The following TTC39B variants were observed in gnomAD, a reference collection of about 807,000 sequenced individuals.
The protein encoded by TTC39B is tetratricopeptide repeat protein 39B.
In TTC39B, 92 loss-of-function variants were observed where a neutral mutation model predicts 96.6. The observed-to-expected ratio is 0.95, with a 90% confidence interval of 0.80 to 1.13. TTC39B has a LOEUF of 1.13. Among genes scored for constraint, TTC39B ranks in the 50% most tolerant of loss-of-function variants. The pLI, the probability that TTC39B is intolerant of heterozygous loss-of-function variation, is 0.00. For synonymous variants in TTC39B, 367 were observed against 299.4 expected, an observed-to-expected ratio of 1.23 and a Z score of -2.33; for missense variants, 955 against 809.3, an observed-to-expected ratio of 1.18 and a Z score of -2.18.
intron 9 of TTC39B, among the ~76,000 whole-genome samples, chr9:15,192,277 G>A (rs920757552): frequency 3.9e-5 from 6 of 152,186 alleles, no homozygotes; most frequent in South Asian, 2.1e-4. Flanking sequence ...TTCCAGAGCC[G>A]TCATTGTCAT....
chr9:15,223,493 A>C (rs139813539), intron 3 of TTC39B, among the ~76,000 whole-genome samples: 1 of 152,332 alleles, frequency 6.6e-6, no homozygotes, highest in African/African-American at 2.4e-5. Flanking sequence ...AGAAGCAAAT[A>C]GCTAGTTGTG....
At chr9:15,209,904 T>G (rs1820094795) in intron 6 of TTC39B, among the ~76,000 whole-genome samples, 184 bp downstream of exon 6, 1 of 152,190 alleles carries the variant, frequency 6.6e-6, no homozygotes, top group Non-Finnish European at 1.5e-5. Context: ...TTTATGTATT[T>G]GAGTATGTAC....
chr9:15,258,130 G>C (rs1054232476), intron 2 of TTC39B, among the ~76,000 whole-genome samples: 67 of 152,102 alleles, frequency 4.4e-4, no homozygotes, highest in Non-Finnish European at 9.1e-4. Flanking sequence ...GAAAAGTAGA[G>C]GGAGAGAACA....
chr9:15,214,484 T>C lies in TTC39B; in HGVS notation c.372-235A>G, dbSNP rs142307049. On this transcript the variant is annotated intron_variant, in intron 3 of 19. Coordinates refer to ENST00000512701, the Ensembl canonical transcript of TTC39B. ...TCTAGAGGAGACCTCTACAGGTAAT[T>C]AGATTCTGATTCTCAGGGAAATTAC... Among the ~76,000 whole-genome samples, 761 of 152,200 alleles carry C rather than the reference T, an allele frequency of 5.0e-3. 7 individuals carry two copies. The highest frequency in any genetic ancestry group is 0.017 in the African/African-American group (724 of 41,510).
chr9:15,267,271 G>T (rs747295503), intron 2 of TTC39B, among the ~76,000 whole-genome samples: 1 of 152,218 alleles, frequency 6.6e-6, no homozygotes, highest in Non-Finnish European at 1.5e-5. Flanking sequence ...CCAGGCTATT[G>T]TGTTTTGTTA....
intron 2 of TTC39B, among the ~76,000 whole-genome samples, chr9:15,242,870 T>G (rs914335471): frequency 2.0e-5 from 3 of 152,246 alleles, no homozygotes; most frequent in Non-Finnish European, 4.4e-5. Context: ...AAATGTTTTT[T>G]TAAAAGACTG....
chr9:15,174,874 A>G lies in TTC39B; in HGVS notation c.1958+145T>C, dbSNP rs1377603084. The G allele has an allele frequency of 1.2e-5, 8 of 656,178 alleles. No individual in the cohort carries two copies. In the Admixed American group the frequency reaches 1.8e-4, roughly 14 times the overall value. 40.6% of individuals were successfully genotyped at this position (656,178 alleles called of 1,614,324 possible). A position where few individuals can be genotyped will look rare whatever the true frequency, so the allele number is the denominator to read the frequency against. On this transcript the variant is annotated intron_variant, in intron 19 of 19. Transcript: ENST00000512701. ...CAATTACAGCAAAAGCCATGAGCAT[A>G]AATCAACCAGAAGTTAGCAAAAGTA...
chr9:15,263,046 A>T (rs1823000547), intron 2 of TTC39B, among the ~76,000 whole-genome samples: 1 of 152,230 alleles, frequency 6.6e-6, no homozygotes, highest in Admixed American at 6.5e-5. Context: ...TACAATTAAC[A>T]TGTATTTATA....
intron 2 of TTC39B, among the ~76,000 whole-genome samples, chr9:15,264,588 G>C (rs1043563312): frequency 6.7e-6 from 1 of 149,884 alleles, no homozygotes; most frequent in African/African-American, 2.5e-5. Flanking sequence ...CCAGGAGGCA[G>C]AGGTTGCAGT....
intron 5 of TTC39B, 109 bp from the exon 6 acceptor site, chr9:15,210,273 A>G: frequency 1.4e-6 from 1 of 705,240 alleles, no homozygotes; most frequent in East Asian, 2.7e-5. Flanking sequence ...AGAGTCAAAA[A>G]GCTGAAACTC....
At chr9:15,200,534 G>C (rs1284236354) in intron 7 of TTC39B, among the ~76,000 whole-genome samples, 1 of 152,198 alleles carries the variant, frequency 6.6e-6, no homozygotes, top group African/African-American at 2.4e-5. Context: ...CCATAAAATT[G>C]AGGCTGTTGG....
At position 15,295,806 on chromosome 9, in the gene TTC39B, ACT is replaced by A. The variant is rs562061699; in HGVS notation, c.240+11276_240+11277del. On this transcript the variant is annotated intron_variant, in intron 1 of 19. Coordinates refer to ENST00000512701, the Ensembl canonical transcript of TTC39B. ...AGCCAGAATCTAAGCCCAGCTGGCC[ACT>A]CTCTCAGAAACTCAGTGCTGCTCTG... Among the ~76,000 whole-genome samples, 10 of 152,164 alleles carry A rather than the reference ACT, an allele frequency of 6.6e-5. No homozygotes were observed. In the East Asian group the frequency reaches 1.9e-3, roughly 29 times the overall value.
At chr9:15,163,856 T>A (rs757193232) in exon 20 of TTC39B, 29 of 152,190 alleles carry the variant, frequency 1.9e-4, no homozygotes, top group Non-Finnish European at 7.3e-5. Context: ...TTCAAAAACA[T>A]CCTAATGGTA....
chr9:15,176,184 G>A (rs1817927776), intron 18 of TTC39B, among the ~76,000 whole-genome samples: 1 of 152,172 alleles, frequency 6.6e-6, no homozygotes. Flanking sequence ...CTCTTCTTCA[G>A]TATAGCCTCA....
chr9:15,259,248 T>C lies in TTC39B; in HGVS notation c.275+8666A>G, dbSNP rs117072040. Among the ~76,000 whole-genome samples, 1,114 of 152,318 alleles carry C rather than the reference T, an allele frequency of 7.3e-3. 9 individuals are homozygous for C. The highest frequency in any genetic ancestry group is 0.011 in the Non-Finnish European group (761 of 68,024). On this transcript the variant is annotated intron_variant, in intron 2 of 19. Transcript: ENST00000512701. ...CTGCCCTAAATCAAAGTTATGTTCT[T>C]AGGGAGAGGATCTGCATTTGCTTCT...
At chr9:15,234,589 A>G (rs190671711) in intron 2 of TTC39B, among the ~76,000 whole-genome samples, 4,059 of 152,148 alleles carry the variant, frequency 0.027, 182 homozygotes, top group African/African-American at 0.093. Context: ...GAATAGAAAG[A>G]GGGGAAAGGT....
At chr9:15,302,178 T>C (rs1025529832) in intron 1 of TTC39B, among the ~76,000 whole-genome samples, 2 of 143,440 alleles carry the variant, frequency 1.4e-5, no homozygotes, top group Non-Finnish European at 3.0e-5. Context: ...ATACAAAAAT[T>C]AGCTGGATGT....
rs1281877871 is a variant in TTC39B at position 15,182,197 on chromosome 9, G to A, written c.1723+110C>T. 3 of 636,652 alleles carry A rather than the reference G, an allele frequency of 4.7e-6. No homozygotes were observed. The African/African-American group carries it at 5.7e-5, about 12-fold the overall frequency. 39.4% of individuals were successfully genotyped at this position (636,652 alleles called of 1,614,324 possible). A position where few individuals can be genotyped will look rare whatever the true frequency, so the allele number is the denominator to read the frequency against. ...CAGACCCCTGCAGCTCAAGCTCTTT[G>A]TCCTTGGGATGTACACAAATTAATG... On this transcript the variant is annotated intron_variant, in intron 17 of 19. Coordinates refer to ENST00000512701, the Ensembl canonical transcript of TTC39B.
intron 1 of TTC39B, among the ~76,000 whole-genome samples, chr9:15,275,896 A>T (rs1002743699): frequency 2.0e-5 from 3 of 152,258 alleles, no homozygotes; most frequent in African/African-American, 7.2e-5. Context: ...TGATCTACAC[A>T]CAATGCCTTT....
Sources: allele counts gnomAD v4.1 joint callset (sites outside exome capture counted in the v4.1 genomes callset), GRCh38; gene constraint gnomAD v4.1.1; transcripts MANE v1.5; gene names NCBI Gene and HGNC (gene_info 2026-07-23, HGNC 2026-07-21).